Variants in MAGI2 observed in about 807,000 individuals in gnomAD.
The protein encoded by MAGI2 is membrane associated guanylate kinase, WW and PDZ domain containing 2, also known as membrane-associated guanylate kinase, WW and PDZ domain-containing protein 2.
Under a neutral mutation model 133.3 loss-of-function variants are expected in MAGI2, and 35 were observed. The ratio of observed to expected loss-of-function variants is 0.26; its 90% confidence interval spans 0.20 to 0.35. MAGI2 has a LOEUF of 0.35. Ranked by LOEUF, MAGI2 falls within the 10% of genes least tolerant of loss-of-function variation. The probability of loss-of-function intolerance (pLI) is 1.00; values close to 1 mark genes in which losing one functional copy is unlikely to be tolerated. For synonymous variants in MAGI2, 729 were observed against 710.6 expected (o/e 1.03, Z -0.41); for missense variants, 1,636 against 1,863.4 (o/e 0.88, Z 2.25).
chr7:78,066,647 C>T (rs1460269935), intron 21 of MAGI2, among the ~76,000 whole-genome samples: 1 of 152,120 alleles, frequency 6.6e-6, no homozygotes. Context: ...AGATCATGGA[C>T]TACAGTTCTT....
At chr7:78,049,467 C>T (rs75106443) in intron 21 of MAGI2, among the ~76,000 whole-genome samples, 3,094 of 152,302 alleles carry the variant, frequency 0.02, 116 homozygotes, top group African/African-American at 0.07. Flanking sequence ...ACTGCTCAGC[C>T]ATTCCGCTTA....
intron 1 of MAGI2, among the ~76,000 whole-genome samples, chr7:79,077,359 C>T (rs1815561359): frequency 6.6e-6 from 1 of 151,452 alleles, no homozygotes; most frequent in Non-Finnish European, 1.5e-5. Context: ...AAATCGATAC[C>T]ATCCTGGCTA....
intron 3 of MAGI2, among the ~76,000 whole-genome samples, chr7:78,555,200 G>GGATGGATA (rs1319456396): frequency 0.046 from 4,290 of 92,662 alleles, 93 homozygotes; most frequent in Middle Eastern, 0.12. Flanking sequence ...TTGGATGGAT[G>GGATGGATA]GATAGATAGA....
intron 2 of MAGI2, among the ~76,000 whole-genome samples, chr7:78,905,713 A>G (rs957578653): frequency 6.6e-6 from 1 of 152,172 alleles, no homozygotes; most frequent in Non-Finnish European, 1.5e-5. Context: ...ATTATGAGCA[A>G]TAAATCTCCT....
chr7:78,578,907 T>C (rs1425913607), intron 3 of MAGI2, among the ~76,000 whole-genome samples: 4 of 152,138 alleles, frequency 2.6e-5, no homozygotes, highest in African/African-American at 9.7e-5. Context: ...AACCCCTTTG[T>C]TGGATATTTA....
intron 1 of MAGI2, among the ~76,000 whole-genome samples, chr7:79,036,908 T>TA (rs1811178715): frequency 1.3e-5 from 2 of 152,218 alleles, no homozygotes; most frequent in Admixed American, 6.5e-5. Context: ...AAACCATATG[T>TA]AAAAATTATG....
Position 78,720,428 on chromosome 7 carries a change from C to T in MAGI2, c.419-93189G>A, listed in dbSNP as rs775357735. ...AGAATAATTAACTTGCTCCTAGACA[C>T]AGCTAGTAAGTGAAGCTGACATTTA... On this transcript the variant is annotated intron_variant, in intron 2 of 21. Transcript: ENST00000354212. Among the ~76,000 whole-genome samples the T allele has an allele frequency of 8.8e-4, 134 of 152,008 alleles. 1 individual carries two copies. The highest frequency in any genetic ancestry group is 4.7e-4 in the Non-Finnish European group (32 of 67,952).
At position 78,899,355 on chromosome 7, in the gene MAGI2, C is replaced by T. The variant is rs549797336; in HGVS notation, c.418+107735G>A. Among the ~76,000 whole-genome samples, 16 of 152,206 alleles carry T rather than the reference C, an allele frequency of 1.1e-4. No individual in the cohort carries two copies. The South Asian group carries it at 2.9e-3, about 28-fold the overall frequency. On this transcript the variant is annotated intron_variant, in intron 2 of 21. Coordinates refer to ENST00000354212, the MANE Select transcript of MAGI2 (RefSeq NM_012301.4). ...TTAATGTTATTTCTTCTTTCTCCTG[C>T]TTTTGCAATACTGACCAAGCACTTG...
intron 2 of MAGI2, among the ~76,000 whole-genome samples, chr7:78,822,609 C>T (rs971276898): frequency 2.0e-5 from 3 of 152,010 alleles, no homozygotes; most frequent in Admixed American, 6.6e-5. Flanking sequence ...CAGACATATG[C>T]TCAACATATA....
chr7:79,427,889 G>A (rs1021491614), intron 1 of MAGI2, among the ~76,000 whole-genome samples: 2 of 152,048 alleles, frequency 1.3e-5, no homozygotes, highest in Non-Finnish European at 2.9e-5. Flanking sequence ...AATACAGGTA[G>A]GGCAAATGAA....
chr7:78,480,353 G>A (rs893945172), intron 6 of MAGI2, among the ~76,000 whole-genome samples: 4 of 151,584 alleles, frequency 2.6e-5, no homozygotes, highest in African/African-American at 4.8e-5. Context: ...GTATTACCCC[G>A]ATACCAAAAC....
At chr7:78,515,185 T>C (rs1795935251) in intron 4 of MAGI2, among the ~76,000 whole-genome samples, 1 of 152,208 alleles carries the variant, frequency 6.6e-6, no homozygotes, top group South Asian at 2.1e-4. Flanking sequence ...AAGCTTAACC[T>C]AATTACTCTG....
intron 1 of MAGI2, among the ~76,000 whole-genome samples, chr7:79,263,593 C>T (rs1387279091): frequency 6.6e-6 from 1 of 152,150 alleles, no homozygotes; most frequent in Non-Finnish European, 1.5e-5. Flanking sequence ...TGTGTTATCA[C>T]TTCAATATAT....
At chr7:79,157,651 G>T (rs1221003112) in intron 1 of MAGI2, among the ~76,000 whole-genome samples, 1 of 151,814 alleles carries the variant, frequency 6.6e-6, no homozygotes, top group African/African-American at 2.4e-5. Context: ...ATGTTTTATG[G>T]CACATCTCCT....
Position 78,133,010 on chromosome 7 carries a change from C to T in MAGI2, c.3082G>A (p.Ala1028Thr), listed in dbSNP as rs1017003653. The T allele has an allele frequency of 2.5e-6, 4 of 1,602,874 alleles. No individual in the cohort carries two copies. In the Admixed American group the frequency reaches 5.2e-5, roughly 21 times the overall value. The change falls in exon 18 of 22, where the codon GCG becomes ACG. Residue 1028 changes from alanine (A) to threonine (T), a missense_variant. Ala to Thr is a moderately conservative substitution (Grantham distance 58). This residue lies in a region of MAGI2 where 920 missense variants were observed against 1,093.5 expected (regional missense o/e 0.84). Transcript: ENST00000354212. Reference protein sequence around the residue: ...APSSEKQSPMAQQSPLAQQSP... With the variant: ...APSSEKQSPMTQQSPLAQQSP... ...TGCTGTGCCAGGGGACTCTGCTGCG[C>T]CATGGGACTCTGCTTCTCTGAGCTG...
intron 10 of MAGI2, among the ~76,000 whole-genome samples, chr7:78,212,049 G>A (rs1214435472): frequency 5.3e-5 from 8 of 152,102 alleles, no homozygotes; most frequent in Admixed American, 4.6e-4. Context: ...TTCTAACTTT[G>A]CATTTTCCTG....
intron 3 of MAGI2, among the ~76,000 whole-genome samples, chr7:78,624,952 G>T (rs896132752): frequency 6.6e-6 from 1 of 152,014 alleles, no homozygotes; most frequent in African/African-American, 2.4e-5. Context: ...GCCTCGGGCA[G>T]GTCCTTAGGA....
chr7:78,988,700 C>T (rs1357397581), intron 2 of MAGI2, among the ~76,000 whole-genome samples: 1 of 152,026 alleles, frequency 6.6e-6, no homozygotes, highest in African/African-American at 2.4e-5. Context: ...CTTTATTCAC[C>T]GTGAACCTCT....
chr7:79,163,847 C>T (rs1824657911), intron 1 of MAGI2, among the ~76,000 whole-genome samples: 1 of 151,956 alleles, frequency 6.6e-6, no homozygotes, highest in African/African-American at 2.4e-5. Flanking sequence ...TTATGTCAGA[C>T]TCAGCAAAAT....
Sources: allele counts gnomAD v4.1 joint callset (sites outside exome capture counted in the v4.1 genomes callset), GRCh38; gene constraint gnomAD v4.1.1; regional missense constraint gnomAD v4.1.1; transcripts MANE v1.5; gene names NCBI Gene and HGNC (gene_info 2026-07-23, HGNC 2026-07-21).